Variants in IDO2 observed in about 807,000 individuals in gnomAD.
IDO2 encodes the protein indoleamine 2,3-dioxygenase-like 1 protein.
A neutral mutation model predicts 45.1 loss-of-function variants in IDO2; 46 were observed. The observed-to-expected ratio is 1.02, with a 90% CI of 0.80 to 1.30. The LOEUF (loss-of-function observed/expected upper bound fraction) is 1.30, where lower values mean the gene tolerates loss of function less well. IDO2 is among the 50% of genes most tolerant of loss of function. The probability of loss-of-function intolerance (pLI) is 0.00; values close to 1 mark genes in which losing one functional copy is unlikely to be tolerated. For synonymous variants in IDO2, 218 were observed against 184.9 expected (o/e 1.18, Z -1.45); for missense variants, 544 against 491.8 (o/e 1.11, Z -1.00).
chr8:39,935,212 T>C, exon 1 of IDO2: 1 of 1,613,286 alleles, frequency 6.2e-7, no homozygotes, highest in Non-Finnish European at 8.5e-7. Context: ...GCATTTTCAT[T>C]ATTATGGTAA....
In IDO2 at chr8:40,002,216, A is replaced by G. The variant is rs1185589754; in HGVS notation, c.668-3111A>G. 3.3e-5 allele frequency among the ~76,000 whole-genome samples: 5 copies of G among 152,304 alleles called. No homozygotes were observed. The East Asian group carries it at 7.7e-4, about 23-fold the overall frequency. Reference sequence around the variant, plus strand: ...TAGTATGAGATGAGAAATAAATTCTATTTCCCTCCTATGGATAAGCACAAA... The same window carrying G: ...TAGTATGAGATGAGAAATAAATTCTGTTTCCCTCCTATGGATAAGCACAAA... On this transcript the variant is annotated intron_variant, in intron 8 of 10. Coordinates refer to ENST00000502986, the Ensembl canonical transcript of IDO2.
At chr8:40,009,641 T>G (rs1055640957) in intron 9 of IDO2, among the ~76,000 whole-genome samples, 22 of 152,140 alleles carry the variant, frequency 1.4e-4, no homozygotes, top group Admixed American at 3.9e-4. Flanking sequence ...AGAAACACAA[T>G]TTCCCTTCCT....
intron 8 of IDO2, among the ~76,000 whole-genome samples, chr8:39,995,964 A>G (rs1240265481): frequency 2.6e-5 from 4 of 151,994 alleles, no homozygotes; most frequent in Admixed American, 2.0e-4. Flanking sequence ...CTCTTTTTAA[A>G]TATACTTTTT....
chr8:39,971,671 C>T (rs1200840652), intron 3 of IDO2, among the ~76,000 whole-genome samples: 3 of 152,132 alleles, frequency 2.0e-5, no homozygotes, highest in African/African-American at 7.2e-5. Flanking sequence ...AGAAGTCAAC[C>T]CTCATGGATG....
exon 10 of IDO2, chr8:40,013,640 C>T (rs749668658): frequency 8.1e-6 from 13 of 1,613,678 alleles, no homozygotes; most frequent in Middle Eastern, 1.6e-4. Context: ...AATACTCCGG[C>T]GGGAGTGCAG....
At chr8:39,968,632 T>G (rs1808131663) in intron 3 of IDO2, among the ~76,000 whole-genome samples, 1 of 152,106 alleles carries the variant, frequency 6.6e-6, no homozygotes, top group Non-Finnish European at 1.5e-5. Context: ...ACACCGCATG[T>G]TCTTACTTAT....
intron 1 of IDO2, among the ~76,000 whole-genome samples, chr8:39,942,120 T>C (rs1807651566): frequency 6.6e-6 from 1 of 151,968 alleles, no homozygotes. Flanking sequence ...AAAGAATTTT[T>C]AGAATGAGAG....
chr8:39,997,563 C>A (rs751519178), intron 8 of IDO2, among the ~76,000 whole-genome samples: 52 of 151,912 alleles, frequency 3.4e-4, no homozygotes, highest in Admixed American at 6.6e-5. Flanking sequence ...TTCCAGCTAC[C>A]CAGGAGGCTG....
chr8:40,012,164 G>C (rs1028567621), intron 9 of IDO2, among the ~76,000 whole-genome samples: 2 of 152,136 alleles, frequency 1.3e-5, no homozygotes, highest in Admixed American at 1.3e-4. Flanking sequence ...TATGGTGTGT[G>C]TGTATGTCCC....
chr8:39,979,391 G>A (rs144376218), intron 4 of IDO2, among the ~76,000 whole-genome samples: 1 of 152,148 alleles, frequency 6.6e-6, no homozygotes, highest in African/African-American at 2.4e-5. Flanking sequence ...GTCTCACTCT[G>A]TCACTCAGGC....
intron 1 of IDO2, among the ~76,000 whole-genome samples, chr8:39,946,337 C>T (rs781525955): frequency 2.6e-5 from 4 of 152,188 alleles, no homozygotes; most frequent in African/African-American, 4.8e-5. Context: ...TCCCACTGGG[C>T]GGTGGCTCAT....
At chr8:40,011,856 T>C (rs1232168973) in intron 9 of IDO2, among the ~76,000 whole-genome samples, 1 of 152,242 alleles carries the variant, frequency 6.6e-6, no homozygotes, top group Non-Finnish European at 1.5e-5. Flanking sequence ...CTGCTTGAGA[T>C]AGAGGCCTTG....
At chr8:40,006,479 T>C (rs1802223425) in intron 9 of IDO2, among the ~76,000 whole-genome samples, 1 of 152,192 alleles carries the variant, frequency 6.6e-6, no homozygotes, top group African/African-American at 2.4e-5. Flanking sequence ...TGTAACCCAC[T>C]GTGAATTAAG....
At chr8:39,973,050 C>T (rs1237388055) in intron 3 of IDO2, among the ~76,000 whole-genome samples, 1 of 152,028 alleles carries the variant, frequency 6.6e-6, no homozygotes, top group Non-Finnish European at 1.5e-5. Context: ...GAATTGAGCC[C>T]TGACTATCTC....
At chr8:39,979,759 G>A (rs1159935361) in intron 4 of IDO2, among the ~76,000 whole-genome samples, 2 of 152,110 alleles carry the variant, frequency 1.3e-5, no homozygotes, top group South Asian at 4.1e-4. Context: ...GCTTTTGAAT[G>A]TTTGTTTGTT....
chr8:39,989,581 T>G, intron 7 of IDO2, 140 bp from the exon 8 acceptor site: 1 of 591,152 alleles, frequency 1.7e-6, no homozygotes, highest in Non-Finnish European at 2.9e-6. Context: ...AACCCCACAG[T>G]GGATCTAGCT....
At chr8:39,973,542 T>C (rs967831903) in intron 3 of IDO2, among the ~76,000 whole-genome samples, 1 of 151,996 alleles carries the variant, frequency 6.6e-6, no homozygotes, top group South Asian at 2.1e-4. Flanking sequence ...TCATTGACAA[T>C]GTGACTGTGA....
intron 8 of IDO2, among the ~76,000 whole-genome samples, chr8:40,002,212 T>A (rs1415579623): frequency 6.6e-6 from 1 of 152,216 alleles, no homozygotes; most frequent in Non-Finnish European, 1.5e-5. Flanking sequence ...GAGAAATAAA[T>A]TCTATTTCCC....
chr8:39,985,075 G>A, intron 5 of IDO2: 1 of 308,524 alleles, frequency 3.2e-6, no homozygotes. Flanking sequence ...GGGATTGCAG[G>A]CACCTACCAC....
Sources: allele counts gnomAD v4.1 joint callset (sites outside exome capture counted in the v4.1 genomes callset), GRCh38; gene constraint gnomAD v4.1.1; transcripts MANE v1.5; gene names NCBI Gene and HGNC (gene_info 2026-07-23, HGNC 2026-07-21).